CACNA2D3: variants seen among roughly 807,000 people sequenced by gnomAD.
CACNA2D3 encodes the protein voltage-dependent calcium channel subunit alpha-2/delta-3.
CACNA2D3 carries 60 observed loss-of-function variants against 160.6 expected under a neutral mutation model. The ratio of observed to expected loss-of-function variants is 0.37; its 90% CI spans 0.30 to 0.46. The LOEUF is 0.46. Among genes scored for constraint, CACNA2D3 ranks in the 20% least tolerant of loss-of-function variants. The pLI is 1.00. For missense variants in CACNA2D3, 1,205 were observed against 1,365.0 expected, an observed-to-expected ratio of 0.88 and a Z score of 1.85; for synonymous variants, 558 against 492.9, an observed-to-expected ratio of 1.13 and a Z score of -1.75.
At chr3:54,798,152 T>A (rs776393139) in intron 13 of CACNA2D3, among the ~76,000 whole-genome samples, 2 of 152,212 alleles carry the variant, frequency 1.3e-5, no homozygotes, top group Non-Finnish European at 2.9e-5. Context: ...TCATTAAACT[T>A]CTCAAACTTT....
chr3:54,797,698 T>G (rs571195860), intron 13 of CACNA2D3, among the ~76,000 whole-genome samples: 5 of 152,306 alleles, frequency 3.3e-5, no homozygotes, highest in African/African-American at 1.2e-4. Flanking sequence ...TTCTTGAGTT[T>G]GTAATGTCCT....
intron 2 of CACNA2D3, among the ~76,000 whole-genome samples, chr3:54,137,395 A>G (rs1699833320): frequency 6.6e-6 from 1 of 152,190 alleles, no homozygotes; most frequent in African/African-American, 2.4e-5. Context: ...TTCTTACCAA[A>G]TAGGTTACCG....
intron 2 of CACNA2D3, among the ~76,000 whole-genome samples, chr3:54,248,338 G>A (rs934245252): frequency 1.3e-4 from 20 of 151,802 alleles, no homozygotes; most frequent in African/African-American, 3.9e-4. Flanking sequence ...AAAATTAGCC[G>A]GGCATGGTGG....
intron 9 of CACNA2D3, among the ~76,000 whole-genome samples, chr3:54,625,077 G>C (rs1699066922): frequency 6.6e-6 from 1 of 152,196 alleles, no homozygotes; most frequent in African/African-American, 2.4e-5. Flanking sequence ...AGAAAGAAAA[G>C]AGAGGCACAA....
chr3:55,021,168 A>G (rs1033675070), intron 35 of CACNA2D3, among the ~76,000 whole-genome samples: 2 of 152,152 alleles, frequency 1.3e-5, no homozygotes, highest in African/African-American at 4.8e-5. Context: ...ATTTACAACT[A>G]TGAAATTAGT....
intron 2 of CACNA2D3, among the ~76,000 whole-genome samples, chr3:54,206,293 CTG>C (rs1701275582): frequency 6.6e-6 from 1 of 152,152 alleles, no homozygotes; most frequent in South Asian, 2.1e-4. Flanking sequence ...CTATGAGACA[CTG>C]AGAAACGGTG....
At chr3:54,897,077 A>G (rs2106880813) in intron 26 of CACNA2D3, 1 of 513,724 alleles carries the variant, frequency 1.9e-6, no homozygotes, top group Non-Finnish European at 3.4e-6. Context: ...TCCTTTACCA[A>G]ATTATGTAAA....
intron 35 of CACNA2D3, among the ~76,000 whole-genome samples, chr3:55,049,054 C>T (rs1179968148): frequency 6.6e-6 from 1 of 151,266 alleles, no homozygotes; most frequent in Admixed American, 6.6e-5. Context: ...AAAAAACCAG[C>T]TCCTGGATTC....
At chr3:54,812,974 A>T (rs921411596) in intron 13 of CACNA2D3, among the ~76,000 whole-genome samples, 1 of 152,146 alleles carries the variant, frequency 6.6e-6, no homozygotes, top group Admixed American at 6.5e-5. Flanking sequence ...AACAGTGACT[A>T]TTTCTGTTAT....
chr3:54,202,712 A>C (rs375988275), intron 2 of CACNA2D3, among the ~76,000 whole-genome samples: 15 of 152,346 alleles, frequency 9.8e-5, no homozygotes, highest in South Asian at 2.1e-4. Context: ...TGGCAAAAAA[A>C]CCCAGGAAAC....
intron 2 of CACNA2D3, among the ~76,000 whole-genome samples, chr3:54,190,113 T>G (rs564915392): frequency 1.3e-5 from 2 of 152,320 alleles, no homozygotes; most frequent in South Asian, 4.1e-4. Flanking sequence ...ATGAGCTAGC[T>G]CTTCAGGGCC....
chr3:54,812,202 C>G (rs745612832), intron 13 of CACNA2D3, among the ~76,000 whole-genome samples: 1 of 152,120 alleles, frequency 6.6e-6, no homozygotes, highest in Non-Finnish European at 1.5e-5. Flanking sequence ...TCATTGGCCA[C>G]GACTGAAGCC....
At position 54,497,755 on chromosome 3, in the gene CACNA2D3, T is replaced by G. The variant is rs75406430; in HGVS notation, c.382-5737T>G. 3.6e-3 allele frequency among the ~76,000 whole-genome samples: 545 copies of G among 152,118 alleles called. 7 individuals are homozygous for G. The highest frequency in any genetic ancestry group is 0.012 in the African/African-American group (514 of 41,570). ...ATGTTTTTTTGTAAATCCTTTTCAT[T>G]AGGTTGAAGATATTTTTCCTTATTT... On this transcript the variant is annotated intron_variant, in intron 4 of 37. Coordinates refer to ENST00000474759, the MANE Select transcript of CACNA2D3 (RefSeq NM_018398.3).
intron 5 of CACNA2D3, among the ~76,000 whole-genome samples, chr3:54,505,030 T>C (rs1701347378): frequency 6.6e-6 from 1 of 152,226 alleles, no homozygotes; most frequent in South Asian, 2.1e-4. Context: ...TGGTCAGTGA[T>C]TAAAGATATT....
At chr3:54,924,619 C>G (rs758377265) in intron 27 of CACNA2D3, 2 of 1,612,398 alleles carry the variant, frequency 1.2e-6, no homozygotes, top group East Asian at 2.2e-5. Flanking sequence ...CATGACTGAC[C>G]TTTATAGACA....
intron 13 of CACNA2D3, among the ~76,000 whole-genome samples, chr3:54,774,264 G>A (rs1286666609): frequency 6.6e-6 from 1 of 152,128 alleles, no homozygotes; most frequent in Non-Finnish European, 1.5e-5. Flanking sequence ...AATTTATAAC[G>A]AAAAGAGGTT....
chr3:54,852,068 C>T (rs937860785), intron 17 of CACNA2D3, among the ~76,000 whole-genome samples: 12 of 152,212 alleles, frequency 7.9e-5, no homozygotes, highest in East Asian at 1.9e-4. Context: ...CACCACCACC[C>T]GTCATTGTGC....
intron 27 of CACNA2D3, among the ~76,000 whole-genome samples, chr3:54,944,731 A>AT (rs750101471): frequency 6.6e-6 from 1 of 151,982 alleles, no homozygotes; most frequent in Non-Finnish European, 1.5e-5. Flanking sequence ...TCCAAGAGTT[A>AT]TTTTTTATAG....
At chr3:54,984,808 T>A in intron 30 of CACNA2D3, 138 bp downstream of exon 30, 1 of 631,168 alleles carries the variant, frequency 1.6e-6, no homozygotes, top group Non-Finnish European at 2.8e-6. Context: ...AAAACCTTAT[T>A]TCCATCCCTC....
Sources: allele counts gnomAD v4.1 joint callset (sites outside exome capture counted in the v4.1 genomes callset), GRCh38; gene constraint gnomAD v4.1.1; transcripts MANE v1.5; gene names NCBI Gene and HGNC (gene_info 2026-07-23, HGNC 2026-07-21).